Variants in PODN observed in about 807,000 individuals in gnomAD.
PODN encodes podocan, also known as podocan proteoglycan.
In PODN, 40 loss-of-function variants were observed where a neutral mutation model predicts 52.7. The ratio of observed to expected loss-of-function variants is 0.76; its 90% confidence interval spans 0.59 to 0.99. The LOEUF is 0.99. Ranked by LOEUF, PODN falls within the 50% of genes least tolerant of loss-of-function variation. The pLI is 0.00. For synonymous variants in PODN, 396 were observed against 377.9 expected (o/e 1.05, Z -0.56); for missense variants, 720 against 815.1 (o/e 0.88, Z 1.42).
At chr1:53,080,410 C>T (rs1257198026) in intron 8 of PODN, among the ~76,000 whole-genome samples, 2 of 152,198 alleles carry the variant, frequency 1.3e-5, no homozygotes, top group African/African-American at 2.4e-5. Context: ...AGGACTGTGA[C>T]ACCCAAACAT....
At chr1:53,072,774 A>G (rs1181994449) in intron 3 of PODN, among the ~76,000 whole-genome samples, 2 of 152,230 alleles carry the variant, frequency 1.3e-5, no homozygotes, top group African/African-American at 2.4e-5. Flanking sequence ...CAAGATGTCT[A>G]ACTAGGCCGG....
intron 7 of PODN, among the ~76,000 whole-genome samples, chr1:53,078,059 G>C (rs773413140): frequency 1.3e-5 from 2 of 152,216 alleles, no homozygotes; most frequent in African/African-American, 4.8e-5. Context: ...ATACAGACTC[G>C]GGCATTCTTG....
intron 3 of PODN, among the ~76,000 whole-genome samples, chr1:53,071,987 T>C (rs1644126339): frequency 6.6e-6 from 1 of 152,006 alleles, no homozygotes; most frequent in Non-Finnish European, 1.5e-5. Context: ...TTGTGTATAC[T>C]GTCTGGCCAA....
At chr1:53,081,638 G>T (rs912752090) in intron 9 of PODN, among the ~76,000 whole-genome samples, 4 of 152,208 alleles carry the variant, frequency 2.6e-5, no homozygotes, top group African/African-American at 9.6e-5. Flanking sequence ...CCTGGCTACC[G>T]CAGCCCAGGA....
At chr1:53,063,275 C>A in intron 1 of PODN, 1 of 828,268 alleles carries the variant, frequency 1.2e-6, no homozygotes. Context: ...GTGCGCGCGG[C>A]ACTGACTGAG....
intron 1 of PODN, among the ~76,000 whole-genome samples, chr1:53,068,301 A>C (rs60891908): frequency 0.094 from 14,248 of 152,238 alleles, 1,104 homozygotes; most frequent in African/African-American, 0.21. Context: ...CCCTCCTAGG[A>C]CCAGGGTCTT....
chr1:53,077,466 C>T (rs1245279023), intron 6 of PODN, 120 bp downstream of exon 6: 24 of 1,434,896 alleles, frequency 1.7e-5, no homozygotes, highest in East Asian at 9.2e-5. Flanking sequence ...AGTGGGGCCC[C>T]GGGGCTGACA....
chr1:53,063,713 T>A (rs1011123772), intron 1 of PODN, among the ~76,000 whole-genome samples: 1 of 152,134 alleles, frequency 6.6e-6, no homozygotes, highest in Admixed American at 6.5e-5. Flanking sequence ...CACACGACTG[T>A]TTTCATGTCA....
intron 3 of PODN, among the ~76,000 whole-genome samples, chr1:53,071,983 A>G (rs1055420844): frequency 2.0e-5 from 3 of 152,094 alleles, no homozygotes; most frequent in African/African-American, 7.2e-5. Context: ...AAGTTTGTGT[A>G]TACTGTCTGG....
intron 3 of PODN, chr1:53,073,543 C>T (rs1334834308): frequency 6.6e-6 from 1 of 152,210 alleles, no homozygotes; most frequent in Non-Finnish European, 1.5e-5. Context: ...AGAACCTTGT[C>T]ACAGGATCTT....
chr1:53,071,709 A>G, intron 3 of PODN, 81 bp downstream of exon 3: 2 of 1,361,300 alleles, frequency 1.5e-6, no homozygotes, highest in Non-Finnish European at 1.0e-6. Flanking sequence ...GCCCAGGGGG[A>G]GAGCTTGGCC....
At chr1:53,068,070 G>A (rs911168611) in intron 1 of PODN, among the ~76,000 whole-genome samples, 8 of 152,110 alleles carry the variant, frequency 5.3e-5, no homozygotes, top group Admixed American at 1.3e-4. Flanking sequence ...AAAAGCTAAC[G>A]TTTACTGAGC....
At chr1:53,074,801 C>G in intron 4 of PODN, 131 bp downstream of exon 4, 29 of 571,732 alleles carry the variant, frequency 5.1e-5, no homozygotes, top group South Asian at 3.1e-4. Flanking sequence ...CAGACATGGC[C>G]CTGGGTCGGG....
At chr1:53,079,555 C>CA (rs890320184) in intron 8 of PODN, among the ~76,000 whole-genome samples, 30 of 152,106 alleles carry the variant, frequency 2.0e-4, no homozygotes, top group African/African-American at 7.2e-4. Context: ...CACCAGTCTG[C>CA]AGAGGGCTGG....
chr1:53,082,287 C>T (rs760579384), intron 10 of PODN, 99 bp downstream of exon 10: 1 of 1,369,412 alleles, frequency 7.3e-7, no homozygotes, highest in Non-Finnish European at 9.4e-7. Context: ...CACCCTCTCG[C>T]CTCTGCTTCA....
intron 9 of PODN, 40 bp from the exon 10 acceptor site, chr1:53,081,941 G>A: frequency 1.3e-6 from 2 of 1,559,124 alleles, no homozygotes; most frequent in Middle Eastern, 1.8e-4. Context: ...GTTCCTTGGG[G>A]GTTGGGCTCC....
intron 1 of PODN, chr1:53,066,819 A>G (rs1336070654): frequency 6.5e-7 from 1 of 1,548,586 alleles, no homozygotes; most frequent in Non-Finnish European, 8.7e-7. Flanking sequence ...CAGTTTACAG[A>G]TTTTTACAGA....
rs1257878768 is a variant in PODN at position 53,078,809 on chromosome 1, C to T, written c.1299C>T (p.Arg433=). The part of the protein sequence containing the change: ...RDAFRKLRLL[R]SLDLSGNRLH... ...CCTTCCGCAAGCTGCGCCTGCTGCGCTCGCTGGACCTGTCGGGCAACCGGC... is the reference window on the plus strand; with the variant it reads ...CCTTCCGCAAGCTGCGCCTGCTGCGTTCGCTGGACCTGTCGGGCAACCGGC... The change falls in exon 8 of 11, where the codon CGC becomes CGT. Residue 433 remains arginine (R), a synonymous_variant. Coordinates refer to ENST00000312553, the MANE Select transcript of PODN (RefSeq NM_153703.5). 2.5e-6 allele frequency: 4 copies of T among 1,612,904 alleles called. No homozygotes were observed. Among genetic ancestry groups the T allele is most frequent in the Non-Finnish European group, 3.4e-6 (4 of 1,179,810 alleles).
intron 2 of PODN, 131 bp downstream of exon 2, chr1:53,070,298 CACAGGG>C: frequency 7.2e-7 from 1 of 1,397,298 alleles, no homozygotes; most frequent in Non-Finnish European, 9.6e-7. Flanking sequence ...CACTCCCAAC[CACAGGG>C]TGCTGGGGCA....
Sources: allele counts gnomAD v4.1 joint callset (sites outside exome capture counted in the v4.1 genomes callset), GRCh38; gene constraint gnomAD v4.1.1; transcripts MANE v1.5; gene names NCBI Gene and HGNC (gene_info 2026-07-23, HGNC 2026-07-21).